EYA2: variants seen among roughly 807,000 people sequenced by gnomAD.
The protein encoded by EYA2 is EYA transcriptional coactivator and phosphatase 2, also known as protein phosphatase EYA2.
In EYA2, 31 loss-of-function variants were observed where a neutral mutation model predicts 69.2. The observed-to-expected ratio is 0.45, with a 90% CI of 0.34 to 0.60. The LOEUF (loss-of-function observed/expected upper bound fraction) is 0.60. Among genes scored for constraint, EYA2 ranks in the 20% least tolerant of loss-of-function variants. EYA2 has a pLI of 0.02. For synonymous variants in EYA2, 257 were observed against 279.4 expected (o/e 0.92, Z 0.80); for missense variants, 622 against 701.2 (o/e 0.89, Z 1.28).
intron 9 of EYA2, among the ~76,000 whole-genome samples, chr20:47,131,117 T>A (rs2033332105): frequency 6.6e-6 from 1 of 152,134 alleles, no homozygotes; most frequent in Admixed American, 6.5e-5. Context: ...AAATACTCTA[T>A]GTTTACTTCT....
At chr20:46,969,322 A>G (rs769729091) in intron 1 of EYA2, among the ~76,000 whole-genome samples, 4 of 152,106 alleles carry the variant, frequency 2.6e-5, no homozygotes, top group Non-Finnish European at 5.9e-5. Flanking sequence ...GGCTCAAGCC[A>G]TCCTCCTGCC....
At chr20:47,105,330 G>A (rs919204931) in intron 9 of EYA2, among the ~76,000 whole-genome samples, 2 of 152,088 alleles carry the variant, frequency 1.3e-5, no homozygotes, top group Admixed American at 6.5e-5. Context: ...CTTTATTCAC[G>A]AATCTGCCCA....
rs541619472 is a variant in EYA2 at position 47,142,843 on chromosome 20, G to C, written c.889-216G>C. On this transcript the variant is annotated intron_variant, in intron 9 of 15. Transcript: ENST00000327619. Reference sequence around the variant, plus strand: ...CCAGGAGATTTAAATACTGGAAAGGGTAAAAAGAAATGGTGAAAACTGGAA... The same window carrying C: ...CCAGGAGATTTAAATACTGGAAAGGCTAAAAAGAAATGGTGAAAACTGGAA... Among the ~76,000 whole-genome samples, 17 of 152,332 alleles carry C rather than the reference G, an allele frequency of 1.1e-4. No individual in the cohort carries two copies. The East Asian group carries it at 2.7e-3, about 24-fold the overall frequency.
intron 2 of EYA2, among the ~76,000 whole-genome samples, chr20:46,997,076 G>A (rs986385504): frequency 5.3e-5 from 8 of 152,100 alleles, no homozygotes; most frequent in East Asian, 1.9e-4. Context: ...TTTCTGTTCC[G>A]CACAGGTAGA....
intron 5 of EYA2, among the ~76,000 whole-genome samples, chr20:47,050,932 G>A (rs931249149): frequency 4.6e-5 from 7 of 152,246 alleles, no homozygotes; most frequent in African/African-American, 1.7e-4. Flanking sequence ...GATACAGGAT[G>A]TGTGATCTTA....
At chr20:47,182,015 AC>A (rs1454289802) in intron 14 of EYA2, among the ~76,000 whole-genome samples, 2 of 151,694 alleles carry the variant, frequency 1.3e-5, no homozygotes, top group African/African-American at 4.8e-5. Flanking sequence ...CACCATCTTA[AC>A]CTTTTTTCTT....
chr20:46,984,634 G>C (rs1396947617), intron 1 of EYA2, among the ~76,000 whole-genome samples: 2 of 152,160 alleles, frequency 1.3e-5, no homozygotes, highest in Non-Finnish European at 2.9e-5. Flanking sequence ...ACTTCTGGTG[G>C]AATCTAGAAT....
chr20:47,076,122 T>C (rs1251204404), intron 7 of EYA2, among the ~76,000 whole-genome samples: 3 of 152,258 alleles, frequency 2.0e-5, no homozygotes, highest in Non-Finnish European at 1.5e-5. Flanking sequence ...CTAGGTTGAT[T>C]CTTTGTCTTT....
chr20:46,958,641 C>T (rs1395653657), intron 1 of EYA2, among the ~76,000 whole-genome samples: 2 of 152,070 alleles, frequency 1.3e-5, no homozygotes, highest in African/African-American at 4.8e-5. Flanking sequence ...CAGATTATTT[C>T]GTTACCCATA....
chr20:47,186,010 G>T (rs1235940256), intron 15 of EYA2, among the ~76,000 whole-genome samples: 1 of 151,980 alleles, frequency 6.6e-6, no homozygotes, highest in East Asian at 1.9e-4. Flanking sequence ...CTGCCCCCAC[G>T]TTCCCCCACA....
At chr20:47,049,217 G>A (rs73307701) in intron 5 of EYA2, among the ~76,000 whole-genome samples, 3 of 152,202 alleles carry the variant, frequency 2.0e-5, no homozygotes, top group Admixed American at 6.5e-5. Context: ...CCCTTCTCCC[G>A]CTTTCCCTAA....
rs1983396299 is a variant in EYA2 at position 47,016,168 on chromosome 20, T to G, written c.299-13T>G. On this transcript the variant is annotated splice_polypyrimidine_tract_variant and intron_variant, in intron 4 of 15. Coordinates refer to ENST00000327619, the MANE Select transcript of EYA2 (RefSeq NM_005244.5). ...TGTCCTTGGTCCTTTTTTTTCCCCC[T>G]CTTCCTTCAAAGGCATCAAGACAGA... 1 of 1,600,726 alleles carries G rather than the reference T, an allele frequency of 6.2e-7. No individual in the cohort carries two copies. The highest frequency in any genetic ancestry group is 1.1e-5 in the South Asian group (1 of 90,802).
chr20:47,164,062 A>C lies in EYA2; in HGVS notation c.979-5077A>C, dbSNP rs75891618. ...CCGGAAGAGACCAGAAGCACCCTGC[A>C]GTTCGTGTGGACAAGTCTCCCCTCT... On this transcript the variant is annotated intron_variant, in intron 10 of 15. Transcript: ENST00000327619. 5.4e-3 allele frequency among the ~76,000 whole-genome samples: 827 copies of C among 152,266 alleles called. 28 individuals carry two copies. The East Asian group carries it at 0.084, about 15-fold the overall frequency.
chr20:47,093,492 C>T (rs182412066), intron 8 of EYA2, among the ~76,000 whole-genome samples: 24 of 152,396 alleles, frequency 1.6e-4, no homozygotes, highest in African/African-American at 5.0e-4. Context: ...TCTGCGGCTC[C>T]TGCTGCCCTG....
intron 9 of EYA2, among the ~76,000 whole-genome samples, chr20:47,125,435 GT>G (rs200964192): frequency 2.6e-5 from 4 of 151,304 alleles, no homozygotes; most frequent in African/African-American, 7.3e-5. Flanking sequence ...AAGAAGCCAA[GT>G]TTTTTTTTAA....
intron 1 of EYA2, among the ~76,000 whole-genome samples, chr20:46,897,979 G>A (rs1228473700): frequency 6.6e-6 from 1 of 152,058 alleles, no homozygotes; most frequent in Non-Finnish European, 1.5e-5. Flanking sequence ...TGTCACGTGC[G>A]GGGCAGTGTA....
At chr20:47,107,944 G>A (rs374509243) in intron 9 of EYA2, among the ~76,000 whole-genome samples, 2 of 151,046 alleles carry the variant, frequency 1.3e-5, no homozygotes, top group African/African-American at 4.9e-5. Context: ...TGAAGGAAGT[G>A]GAGGAACAGA....
intron 13 of EYA2, 126 bp downstream of exon 13, chr20:47,180,038 AT>A (rs56740888): frequency 0.087 from 43,640 of 500,960 alleles, 2,933 homozygotes; most frequent in African/African-American, 0.36. Context: ...CTTTCCAAAT[AT>A]TTTTTTTTTT....
chr20:46,973,423 C>A (rs931125498), intron 1 of EYA2, among the ~76,000 whole-genome samples: 3 of 152,220 alleles, frequency 2.0e-5, no homozygotes, highest in Admixed American at 6.5e-5. Flanking sequence ...CCGTATCTTA[C>A]AATCCACCCT....
Sources: allele counts gnomAD v4.1 joint callset (sites outside exome capture counted in the v4.1 genomes callset), GRCh38; gene constraint gnomAD v4.1.1; transcripts MANE v1.5; gene names NCBI Gene and HGNC (gene_info 2026-07-23, HGNC 2026-07-21).